Variants in CCDC126 observed in about 807,000 individuals in gnomAD.
CCDC126 encodes the protein coiled-coil domain containing 126, also known as coiled-coil domain-containing protein 126.
Under a neutral mutation model 11.7 loss-of-function variants are expected in CCDC126, and 5 were observed. That is an observed-to-expected ratio of 0.43 (90% CI 0.22 to 0.90). CCDC126 has a LOEUF of 0.90. Ranked by LOEUF, CCDC126 falls within the 40% of genes least tolerant of loss-of-function variation. The pLI, the probability that CCDC126 is intolerant of heterozygous loss-of-function variation, is 0.27. For synonymous variants in CCDC126, 60 were observed against 61.9 expected, an observed-to-expected ratio of 0.97 and a Z score of 0.14; for missense variants, 150 against 163.1, an observed-to-expected ratio of 0.92 and a Z score of 0.44.
chr7:23,612,426 G>C (rs1782730082), intron 3 of CCDC126, among the ~76,000 whole-genome samples: 1 of 116,806 alleles, frequency 8.6e-6, no homozygotes, highest in Non-Finnish European at 1.6e-5. Context: ...GGTGAGTCGA[G>C]ATTGTGCCAC....
chr7:23,643,304 C>A lies in CCDC126; in HGVS notation c.*189C>A. ...AATTTTAAAGTTATTTGTTTGCTTT[C>A]AGGCAAGTCTGTTCAATGCTGTACT... is the stretch of plus-strand genomic sequence containing the variant. On this transcript the variant is annotated 3_prime_UTR_variant, in exon 4 of 4. Coordinates refer to ENST00000307471, the MANE Select transcript of CCDC126 (RefSeq NM_138771.4). The A allele has an allele frequency of 1.8e-6, 1 of 547,124 alleles. No homozygotes were observed. Among genetic ancestry groups the A allele is most frequent in the South Asian group, 3.4e-5 (1 of 29,656 alleles). 33.9% of individuals were successfully genotyped at this position (547,124 alleles called of 1,614,324 possible).
intron 3 of CCDC126, among the ~76,000 whole-genome samples, chr7:23,615,553 G>C (rs1397612548): frequency 1.3e-5 from 2 of 152,192 alleles, no homozygotes; most frequent in African/African-American, 4.8e-5. Flanking sequence ...CTAGCTTTCA[G>C]CCTATCTCAG....
intron 2 of CCDC126, among the ~76,000 whole-genome samples, chr7:23,599,758 C>G (rs755193321): frequency 7.9e-5 from 12 of 152,082 alleles, no homozygotes; most frequent in Admixed American, 3.9e-4. Context: ...GGAGCCCGGC[C>G]TGCATAGTTT....
chr7:23,621,021 C>T (rs2128018053), intron 3 of CCDC126, among the ~76,000 whole-genome samples: 1 of 152,308 alleles, frequency 6.6e-6, no homozygotes, highest in African/African-American at 2.4e-5. Flanking sequence ...GTGATGCCTC[C>T]AGCTTTGTTC....
intron 3 of CCDC126, among the ~76,000 whole-genome samples, chr7:23,634,739 C>G (rs1353016467): frequency 6.6e-6 from 1 of 152,118 alleles, no homozygotes; most frequent in Admixed American, 6.5e-5. Context: ...TTTTTCCCCT[C>G]CGTCTCTTCT....
At chr7:23,628,523 A>C (rs556775701) in intron 3 of CCDC126, among the ~76,000 whole-genome samples, 1 of 152,216 alleles carries the variant, frequency 6.6e-6, no homozygotes, top group Non-Finnish European at 1.5e-5. Context: ...ACTACCAGCT[A>C]CCTGATCAAA....
chr7:23,608,154 T>A (rs1782651863), intron 2 of CCDC126, among the ~76,000 whole-genome samples: 1 of 152,240 alleles, frequency 6.6e-6, no homozygotes, highest in South Asian at 2.1e-4. Flanking sequence ...GGTGGAGTTT[T>A]CAGCCCTCTG....
At chr7:23,636,205 G>A (rs1260355659) in intron 3 of CCDC126, among the ~76,000 whole-genome samples, 6 of 152,304 alleles carry the variant, frequency 3.9e-5, no homozygotes, top group African/African-American at 1.4e-4. Context: ...GCGTGATCTC[G>A]GCTCGCTACA....
At chr7:23,618,411 C>T (rs866485778) in intron 3 of CCDC126, among the ~76,000 whole-genome samples, 7 of 152,170 alleles carry the variant, frequency 4.6e-5, no homozygotes, top group African/African-American at 1.7e-4. Context: ...CTCTGAGTTG[C>T]CTCCTTAAGG....
chr7:23,604,145 T>G (rs1782584634), intron 2 of CCDC126: 1 of 152,216 alleles, frequency 6.6e-6, no homozygotes, highest in South Asian at 2.1e-4. Flanking sequence ...CTTTTAGGAC[T>G]AGGTAATGCT....
chr7:23,628,885 C>T (rs1177703358), intron 3 of CCDC126, among the ~76,000 whole-genome samples: 1 of 152,228 alleles, frequency 6.6e-6, no homozygotes, highest in African/African-American at 2.4e-5. Flanking sequence ...CCTTCTCCAC[C>T]CAGCAGAGTG....
chr7:23,602,278 A>T (rs1230711136), intron 2 of CCDC126: 1 of 152,234 alleles, frequency 6.6e-6, no homozygotes, highest in South Asian at 2.1e-4. Flanking sequence ...GGAGTTTGAA[A>T]AATTATATTT....
intron 2 of CCDC126, among the ~76,000 whole-genome samples, chr7:23,610,585 C>A (rs1782693453): frequency 6.6e-6 from 1 of 152,162 alleles, no homozygotes; most frequent in Admixed American, 6.5e-5. Context: ...ATGATATAAA[C>A]TTAGAAATTA....
intron 3 of CCDC126, among the ~76,000 whole-genome samples, chr7:23,627,855 T>G (rs1783041841): frequency 6.6e-6 from 1 of 152,098 alleles, no homozygotes; most frequent in Non-Finnish European, 1.5e-5. Context: ...ACTCCCAAAG[T>G]TCTGGGATTG....
intron 2 of CCDC126, among the ~76,000 whole-genome samples, chr7:23,601,332 G>A (rs979539650): frequency 6.6e-6 from 1 of 152,276 alleles, no homozygotes; most frequent in East Asian, 1.9e-4. Flanking sequence ...TCAAGGCTCA[G>A]TGAGCTATGG....
At chr7:23,617,367 A>G (rs1266680814) in intron 3 of CCDC126, among the ~76,000 whole-genome samples, 4 of 151,540 alleles carry the variant, frequency 2.6e-5, no homozygotes, top group Middle Eastern at 3.4e-3. Context: ...AAAAAAAAAA[A>G]AAAAAAAGAA....
intron 2 of CCDC126, among the ~76,000 whole-genome samples, chr7:23,598,913 A>G (rs965151184): frequency 7.9e-5 from 12 of 152,194 alleles, no homozygotes; most frequent in African/African-American, 2.9e-4. Context: ...TCTGATTCCA[A>G]GGACTCTTCT....
chr7:23,598,010 C>T lies in CCDC126; in HGVS notation c.-187C>T, dbSNP rs947790885. 16 of 152,216 alleles carry T rather than the reference C, an allele frequency of 1.1e-4. No individual in the cohort carries two copies. Among genetic ancestry groups the T allele is most frequent in the African/African-American group, 3.6e-4 (15 of 41,416 alleles). The allele number at this position is 152,216 out of a possible 1,614,324, so 9.4% of individuals were successfully genotyped here. On this transcript the variant is annotated 5_prime_UTR_variant, in exon 2 of 4. Coordinates refer to ENST00000307471, the MANE Select transcript of CCDC126 (RefSeq NM_138771.4). Reference sequence around the variant, plus strand: ...TGGGAGAGAGAGAAAGTCAGATGCCCCTTTTAAACTCCCTCTTCAAAACTC... The same window carrying T: ...TGGGAGAGAGAGAAAGTCAGATGCCTCTTTTAAACTCCCTCTTCAAAACTC...
chr7:23,600,225 G>A (rs577280232), intron 2 of CCDC126, among the ~76,000 whole-genome samples: 3 of 151,888 alleles, frequency 2.0e-5, no homozygotes, highest in Non-Finnish European at 4.4e-5. Context: ...CTTCTATTCT[G>A]TCTCCCAAAT....
Sources: gnomAD v4.1 joint callset for allele counts (sites outside exome capture counted in the v4.1 genomes callset) on GRCh38, gnomAD v4.1.1 for gene constraint, MANE v1.5 for transcripts, NCBI Gene and HGNC (gene_info 2026-07-23, HGNC 2026-07-21) for gene names.